Variants in PPP1R12B observed in about 807,000 individuals in gnomAD.
PPP1R12B encodes protein phosphatase 1 regulatory subunit 12B.
Under a neutral mutation model 126.1 loss-of-function variants are expected in PPP1R12B, and 76 were observed. The ratio of observed to expected loss-of-function variants is 0.60; its 90% CI spans 0.50 to 0.73. The LOEUF is 0.73. PPP1R12B is among the 30% of genes least tolerant of loss of function. The probability of loss-of-function intolerance (pLI) is 0.00; values close to 1 mark genes in which losing one functional copy is unlikely to be tolerated. For missense variants in PPP1R12B, 1,052 were observed against 1,205.1 expected (o/e 0.87, Z 1.88); for synonymous variants, 356 against 434.7 (o/e 0.82, Z 2.25).
In PPP1R12B at chr1:202,588,872, T is replaced by TAGATATAGATA. The variant is rs111697917; in HGVS notation, c.*8313_*8314insGATATAGATAA. 5.4e-5 allele frequency: 8 copies of TAGATATAGATA among 146,970 alleles called. No individual in the cohort carries two copies. The highest frequency in any genetic ancestry group is 3.3e-4 in the Admixed American group (5 of 15,020). 9.1% of individuals were successfully genotyped at this position (146,970 alleles called of 1,614,324 possible). On this transcript the variant is annotated 3_prime_UTR_variant, in exon 24 of 24. Coordinates refer to ENST00000608999, the MANE Select transcript of PPP1R12B (RefSeq NM_002481.4). ...ATAGATAGATAGATAGATAGATAGA[T>TAGATATAGATA]ATCAAGGTTCCAAGCTTCAAGTAAC...
At position 202,496,755 on chromosome 1, in the gene PPP1R12B, T is replaced by C. The variant is rs531181337; in HGVS notation, c.2449-26T>C. ...AGGATGTCTGTGACAATGAGCCTCT[T>C]GATTTTCTTCCCTTTTCTTTTTTAG... On this transcript the variant is annotated intron_variant, in intron 17 of 23. Transcript: ENST00000608999. The C allele has an allele frequency of 6.4e-5, 102 of 1,602,072 alleles. No individual in the cohort carries two copies. The Middle Eastern group carries it at 1.5e-3, about 23-fold the overall frequency.
At chr1:202,432,653 TA>T (rs1312254700) in intron 8 of PPP1R12B, among the ~76,000 whole-genome samples, 4 of 152,182 alleles carry the variant, frequency 2.6e-5, no homozygotes, top group Non-Finnish European at 2.9e-5. Context: ...CAACAAGCTA[TA>T]AAATAATCCA....
chr1:202,495,516 A>G (rs2148857504), intron 16 of PPP1R12B, 34 bp downstream of exon 16: 1 of 1,609,588 alleles, frequency 6.2e-7, no homozygotes, highest in Non-Finnish European at 8.5e-7. Context: ...AGGCCCCTCC[A>G]CAGTGCACAT....
At chr1:202,472,781 G>T (rs574926227) in intron 13 of PPP1R12B, among the ~76,000 whole-genome samples, 43 of 152,324 alleles carry the variant, frequency 2.8e-4, no homozygotes, top group African/African-American at 9.6e-4. Context: ...AATGTTTTCT[G>T]CAAAGGACCA....
intron 18 of PPP1R12B, among the ~76,000 whole-genome samples, chr1:202,527,803 TAAAAAG>T (rs1172502957): frequency 6.6e-6 from 1 of 151,854 alleles, no homozygotes; most frequent in Non-Finnish European, 1.5e-5. Flanking sequence ...TTTCAGAAAA[TAAAAAG>T]AAGGAAGCGA....
rs779738318 is a variant in PPP1R12B at position 202,399,501 on chromosome 1, C to CT, written c.292-17273dup. Among the ~76,000 whole-genome samples the CT allele has an allele frequency of 6.4e-3, 926 of 144,436 alleles. 7 individuals carry two copies. The highest frequency in any genetic ancestry group is 7.6e-3 in the African/African-American group (301 of 39,656). 94.8% of individuals were successfully genotyped at this position (144,436 alleles called of 152,430 possible). A position where few individuals can be genotyped will look rare whatever the true frequency, so the allele number is the denominator to read the frequency against. ...GGATTACAGGTGTGAGCCACCGCAC[C>CT]TTTTTTTTTTTTTGAAATGGAGTCT... On this transcript the variant is annotated intron_variant, in intron 1 of 23. Transcript: ENST00000608999.
At chr1:202,497,313 C>CT (rs1178104758) in intron 18 of PPP1R12B, among the ~76,000 whole-genome samples, 1 of 152,222 alleles carries the variant, frequency 6.6e-6, no homozygotes, top group East Asian at 1.9e-4. Context: ...ACATCCAACT[C>CT]TTCCCTGCAG....
intron 18 of PPP1R12B, among the ~76,000 whole-genome samples, chr1:202,532,860 C>CTTTT (rs375983770): frequency 4.3e-5 from 4 of 93,814 alleles, no homozygotes; most frequent in African/African-American, 1.3e-4. Flanking sequence ...ATCACATTCA[C>CTTTT]TTTTTTTTTT....
intron 18 of PPP1R12B, chr1:202,539,762 A>G (rs1684915118): frequency 6.3e-6 from 1 of 157,534 alleles, no homozygotes; most frequent in Admixed American, 6.1e-5. Context: ...ATCTGGTGTC[A>G]TCAGGAACCT....
At chr1:202,443,055 GT>G (rs1553288647) in intron 12 of PPP1R12B, 4 of 970,960 alleles carry the variant, frequency 4.1e-6, no homozygotes, top group Non-Finnish European at 4.9e-6. Context: ...GACTTGAGTT[GT>G]TTTTTTTCTT....
At chr1:202,572,733 G>C (rs1415038365) in intron 23 of PPP1R12B, among the ~76,000 whole-genome samples, 1 of 152,178 alleles carries the variant, frequency 6.6e-6, no homozygotes, top group Non-Finnish European at 1.5e-5. Context: ...GTCCTTGCAT[G>C]AGAGGGACCC....
chr1:202,562,916 T>A lies in PPP1R12B; in HGVS notation c.2646T>A (p.Tyr882Ter). 6.4e-7 allele frequency: 1 copy of A among 1,569,808 alleles called. No homozygotes were observed. Among genetic ancestry groups the A allele is most frequent in the Non-Finnish European group, 8.6e-7 (1 of 1,162,888 alleles). ...SRVEEDSNRD[Y>*]KKLYESALTE... ...TAGAAGAAGACAGCAACAGAGATTA[T>A]AAAAAAGTAGGGTCTTTATTCAATT... The change falls in exon 20 of 24, where the codon TAT becomes TAA. Residue 882 changes from tyrosine (Y) to a stop codon, truncating the protein, a stop_gained. Coordinates refer to ENST00000608999, the MANE Select transcript of PPP1R12B (RefSeq NM_002481.4). LOFTEE classifies it high-confidence loss of function.
rs1253871853 is a variant in PPP1R12B, at chr1:202,580,701, C to G, written c.*141C>G. The stretch of plus-strand genomic sequence containing the variant: ...TTTCTATCACCCTCTTCAGTCACCT[C>G]TATACACTCTACATTTTCTCTGCAC... On this transcript the variant is annotated 3_prime_UTR_variant, in exon 24 of 24. Coordinates refer to ENST00000608999, the MANE Select transcript of PPP1R12B (RefSeq NM_002481.4). The G allele has an allele frequency of 4.6e-6, 3 of 658,970 alleles. No homozygotes were observed. Among genetic ancestry groups the G allele is most frequent in the Admixed American group, 2.6e-5 (1 of 39,040 alleles). The allele number at this position is 658,970 out of a possible 1,614,324, so 40.8% of individuals were successfully genotyped here.
At chr1:202,476,076 C>T (rs1218762549) in intron 13 of PPP1R12B, among the ~76,000 whole-genome samples, 3 of 151,822 alleles carry the variant, frequency 2.0e-5, no homozygotes, top group Non-Finnish European at 2.9e-5. Context: ...TGGTGGCATG[C>T]GCCTGTAGTC....
At chr1:202,426,759 C>G (rs1382332103) in intron 4 of PPP1R12B, among the ~76,000 whole-genome samples, 1 of 152,144 alleles carries the variant, frequency 6.6e-6, no homozygotes, top group African/African-American at 2.4e-5. Flanking sequence ...TTTGGTTAAT[C>G]TTAGGTACAT....
chr1:202,555,892 T>C (rs920561559), intron 18 of PPP1R12B, among the ~76,000 whole-genome samples: 2 of 151,848 alleles, frequency 1.3e-5, no homozygotes, highest in South Asian at 2.1e-4. Flanking sequence ...TTTTTTTTTT[T>C]TGAGACAGAG....
At chr1:202,578,388 C>T (rs764298916) in intron 23 of PPP1R12B, among the ~76,000 whole-genome samples, 7 of 152,114 alleles carry the variant, frequency 4.6e-5, no homozygotes, top group African/African-American at 1.7e-4. Flanking sequence ...CAGCATGGGG[C>T]GTTAAAGAGC....
chr1:202,420,967 CTTTTTTT>C (rs56164548), intron 2 of PPP1R12B, among the ~76,000 whole-genome samples: 64,579 of 119,152 alleles, frequency 0.54, 16,238 homozygotes, highest in Middle Eastern at 0.71. Context: ...CCTCTGCCAA[CTTTTTTT>C]TTTTTTTTTT....
chr1:202,356,966 C>T (rs971550966), intron 1 of PPP1R12B, among the ~76,000 whole-genome samples: 5 of 151,950 alleles, frequency 3.3e-5, no homozygotes, highest in African/African-American at 4.8e-5. Flanking sequence ...GGATTACAGG[C>T]GCCCACCACC....
Sources: allele counts gnomAD v4.1 joint callset (sites outside exome capture counted in the v4.1 genomes callset), GRCh38; gene constraint gnomAD v4.1.1; transcripts MANE v1.5; gene names NCBI Gene and HGNC (gene_info 2026-07-23, HGNC 2026-07-21).